Variants in PHF24 observed in about 807,000 individuals in gnomAD.
PHF24 encodes the protein PHD finger protein 24.
In PHF24, 25 loss-of-function variants were observed where a neutral mutation model predicts 42.6. That is an observed-to-expected ratio of 0.59 (90% confidence interval 0.43 to 0.82). PHF24 has a LOEUF of 0.82. Ranked by LOEUF, PHF24 falls within the 40% of genes least tolerant of loss-of-function variation. The pLI is 0.00. For missense variants in PHF24, 470 were observed against 538.1 expected (o/e 0.87, Z 1.25); for synonymous variants, 185 against 204.8 (o/e 0.90, Z 0.83).
the PHF24 span, among the ~76,000 whole-genome samples, chr9:34,672,461 C>A: frequency 6.6e-6 from 1 of 152,066 alleles, no homozygotes; most frequent in Non-Finnish European, 1.5e-5. Flanking sequence ...TAACAGAATA[C>A]CTAAATCTGG....
chr9:34,981,233 C>G (rs1827380768), exon 8 of PHF24: 1 of 152,294 alleles, frequency 6.6e-6, no homozygotes, highest in Non-Finnish European at 1.5e-5. Flanking sequence ...ACCAGCCTTT[C>G]TGGTCCTGCT....
the PHF24 span, chr9:34,690,424 CTGTGTGTGTGTGTGTGTGTGTGTG>C: frequency 4.9e-6 from 3 of 608,624 alleles, no homozygotes; most frequent in South Asian, 2.2e-5. Flanking sequence ...TTGAGGACAC[CTGTGTGTGTGTGTGTGTGTGTGTG>C]TGTGTGTGTG....
the PHF24 span, among the ~76,000 whole-genome samples, chr9:34,807,591 T>C: frequency 2.6e-5 from 4 of 152,196 alleles, no homozygotes; most frequent in Non-Finnish European, 5.9e-5. Context: ...GAATTTGTGG[T>C]CATCATTAAT....
chr9:34,760,597 C>T, the PHF24 span, among the ~76,000 whole-genome samples: 84 of 152,298 alleles, frequency 5.5e-4, 1 homozygote, highest in South Asian at 0.017. Context: ...GGTTACCGCC[C>T]GGTGCAGAAG....
chr9:34,740,005 A>T, the PHF24 span, among the ~76,000 whole-genome samples: 1 of 152,204 alleles, frequency 6.6e-6, no homozygotes, highest in East Asian at 1.9e-4. Flanking sequence ...CTAGATACAG[A>T]GTGTCGATTG....
the PHF24 span, among the ~76,000 whole-genome samples, chr9:34,719,946 A>G: frequency 6.6e-6 from 1 of 152,214 alleles, no homozygotes; most frequent in African/African-American, 2.4e-5. Flanking sequence ...CCCATCCCTT[A>G]GGCACAGAAT....
At chr9:34,895,124 A>AT in the PHF24 span, 6 of 398,004 alleles carry the variant, frequency 1.5e-5, no homozygotes, top group African/African-American at 4.1e-5. Context: ...CTGCTACACC[A>AT]TTTTTTCCCA....
At chr9:34,691,163 A>G in the PHF24 span, 9 of 1,611,954 alleles carry the variant, frequency 5.6e-6, no homozygotes, top group South Asian at 6.6e-5. Flanking sequence ...AGGCAGGCCA[A>G]CGGTGAATGT....
the PHF24 span, among the ~76,000 whole-genome samples, chr9:34,765,443 C>T: frequency 6.7e-6 from 1 of 150,308 alleles, no homozygotes; most frequent in East Asian, 2.0e-4. Context: ...TGATCCCTTT[C>T]CCATTATGTA....
At chr9:34,882,243 C>T in the PHF24 span, among the ~76,000 whole-genome samples, 3 of 152,064 alleles carry the variant, frequency 2.0e-5, no homozygotes, top group African/African-American at 7.2e-5. Context: ...ATGACAAACC[C>T]ACAGCCAATA....
chr9:34,687,556 G>C, the PHF24 span, among the ~76,000 whole-genome samples: 3 of 152,184 alleles, frequency 2.0e-5, no homozygotes, highest in African/African-American at 7.2e-5. Flanking sequence ...TTCAGGATTT[G>C]CTCTGTACCT....
the PHF24 span, chr9:34,836,099 C>T: frequency 2.0e-6 from 1 of 509,990 alleles, no homozygotes; most frequent in Non-Finnish European, 3.9e-6. Context: ...TAGCATCTAC[C>T]TTCTTGGAAG....
chr9:34,928,434 C>A, the PHF24 span, among the ~76,000 whole-genome samples: 1 of 152,038 alleles, frequency 6.6e-6, no homozygotes. Context: ...AATATATACA[C>A]CTATATACCC....
chr9:34,899,096 T>G, the PHF24 span, among the ~76,000 whole-genome samples: 2 of 152,196 alleles, frequency 1.3e-5, no homozygotes, highest in African/African-American at 4.8e-5. Flanking sequence ...GAACAAGGGC[T>G]CATTCATGTA....
At chr9:34,863,351 A>AC in the PHF24 span, among the ~76,000 whole-genome samples, 1 of 151,592 alleles carries the variant, frequency 6.6e-6, no homozygotes, top group African/African-American at 2.4e-5. Context: ...TTCATGTCTG[A>AC]CCCAGCACAG....
the PHF24 span, chr9:34,723,056 C>A: frequency 1.3e-6 from 1 of 763,314 alleles, no homozygotes. Context: ...CAATGTATTG[C>A]TGAGAAATAT....
chr9:34,786,804 G>A, the PHF24 span, among the ~76,000 whole-genome samples: 1 of 152,306 alleles, frequency 6.6e-6, no homozygotes, highest in Middle Eastern at 3.4e-3. Flanking sequence ...CATGCTTCAG[G>A]TCTCTTGGAT....
At chr9:34,922,859 A>G in the PHF24 span, 771,670 of 1,580,656 alleles carry the variant, frequency 0.49, 191,806 homozygotes, top group Admixed American at 0.52. Flanking sequence ...AGGCTGCCAT[A>G]TCATCATACC....
the PHF24 span, among the ~76,000 whole-genome samples, chr9:34,749,059 T>G: frequency 5.9e-5 from 9 of 152,040 alleles, no homozygotes; most frequent in Non-Finnish European, 1.2e-4. Flanking sequence ...AAAAACACAA[T>G]TGACATACTG....
Sources: allele counts gnomAD v4.1 joint callset (sites outside exome capture counted in the v4.1 genomes callset), GRCh38; gene constraint gnomAD v4.1.1; transcripts MANE v1.5; gene names NCBI Gene and HGNC (gene_info 2026-07-23, HGNC 2026-07-21).